Variants in FAM184A observed in about 807,000 individuals in gnomAD.
FAM184A encodes the protein protein FAM184A.
FAM184A carries 99 observed loss-of-function variants against 143.8 expected under a neutral mutation model. The ratio of observed to expected loss-of-function variants is 0.69; its 90% CI spans 0.58 to 0.81. The LOEUF is 0.81. Ranked by LOEUF, FAM184A falls within the 40% of genes least tolerant of loss-of-function variation. The pLI is 0.00. For synonymous variants in FAM184A, 427 were observed against 446.4 expected, an observed-to-expected ratio of 0.96 and a Z score of 0.55; for missense variants, 1,217 against 1,310.5, an observed-to-expected ratio of 0.93 and a Z score of 1.10.
intron 1 of FAM184A, among the ~76,000 whole-genome samples, chr6:119,101,083 G>A (rs199840364): frequency 3.4e-5 from 2 of 58,442 alleles, no homozygotes; most frequent in Non-Finnish European, 6.6e-5. Flanking sequence ...TTTTTTTTTT[G>A]TAGATGGAGT....
intron 1 of FAM184A, among the ~76,000 whole-genome samples, chr6:119,144,196 T>C (rs1472056380): frequency 8.1e-5 from 12 of 147,738 alleles, no homozygotes; most frequent in Admixed American, 6.1e-4. Flanking sequence ...TAGCCGGGTG[T>C]GGTGGCGGGC....
In FAM184A at chr6:119,006,495, C is replaced by T. The variant is rs1784923837; in HGVS notation, c.1767G>A (p.Leu589=). 2.5e-6 allele frequency: 4 copies of T among 1,613,886 alleles called. No individual in the cohort carries two copies. The highest frequency in any genetic ancestry group is 3.4e-6 in the Non-Finnish European group (4 of 1,179,956). ...TGGTCTCCTTTAGGCTGTCTTTAGT[C>T]AAGTCAAGCTCATTCTGAAGCCTTT... is the stretch of plus-strand genomic sequence containing the variant. ...SQERLQNELD[L]TKDSLKETKD... The change falls in exon 7 of 18, where the codon TTG becomes TTA. Residue 589 remains leucine (L), a synonymous_variant. Coordinates refer to ENST00000338891, the MANE Select transcript of FAM184A (RefSeq NM_024581.6).
At chr6:118,975,798 A>G in intron 12 of FAM184A, 119 bp downstream of exon 12, 2 of 977,010 alleles carry the variant, frequency 2.0e-6, no homozygotes, top group East Asian at 5.4e-5. Flanking sequence ...GCTCTTCAAT[A>G]TAAATAGAAT....
intron 1 of FAM184A, among the ~76,000 whole-genome samples, chr6:119,101,845 C>A (rs1972391): frequency 6.6e-6 from 1 of 151,798 alleles, no homozygotes; most frequent in Admixed American, 6.6e-5. Flanking sequence ...CACCCGAGGT[C>A]AGGAGTTCAA....
intron 14 of FAM184A, among the ~76,000 whole-genome samples, chr6:118,971,105 G>C (rs548593408): frequency 2.0e-5 from 3 of 152,100 alleles, no homozygotes; most frequent in African/African-American, 7.2e-5. Context: ...TTAAATAAAG[G>C]AAATATAGCA....
At position 119,002,895 on chromosome 6, in the gene FAM184A, T is replaced by C; in HGVS notation, c.2088+4A>G. On this transcript the variant is annotated splice_donor_region_variant and intron_variant, in intron 9 of 17. Transcript: ENST00000338891. ...AACTTCATCATGTACACATTATTAA[T>C]TACCTGGTTTAAGAGATCTTCTACT... The C allele has an allele frequency of 1.2e-6, 2 of 1,605,584 alleles. No individual in the cohort carries two copies. The highest frequency in any genetic ancestry group is 1.7e-6 in the Non-Finnish European group (2 of 1,177,366).
chr6:119,016,467 C>T (rs58225957), intron 5 of FAM184A, among the ~76,000 whole-genome samples: 2,721 of 152,186 alleles, frequency 0.018, 72 homozygotes, highest in African/African-American at 0.062. Context: ...CAACTCCAGA[C>T]GCGCTACCTT....
At chr6:119,074,531 G>T (rs1787802856) in intron 1 of FAM184A, among the ~76,000 whole-genome samples, 1 of 152,008 alleles carries the variant, frequency 6.6e-6, no homozygotes, top group African/African-American at 2.4e-5. Context: ...GTTAACCCAT[G>T]AAAGAGGATG....
At chr6:118,970,009 T>TATATATATATATATATATATATA (rs1491454245) in intron 14 of FAM184A, among the ~76,000 whole-genome samples, 2 of 23,274 alleles carry the variant, frequency 8.6e-5, no homozygotes, top group Non-Finnish European at 8.2e-5. Flanking sequence ...TATATATATA[T>TATATATATATATATATATATATA]TTTTTTTTTT....
intron 7 of FAM184A, 96 bp downstream of exon 7, chr6:119,006,351 T>C: frequency 8.7e-7 from 1 of 1,148,844 alleles, no homozygotes; most frequent in Non-Finnish European, 1.3e-6. Context: ...ATATACTAAT[T>C]ATATACAATG....
At chr6:119,137,444 C>T (rs149177232) in intron 1 of FAM184A, among the ~76,000 whole-genome samples, 20 of 152,238 alleles carry the variant, frequency 1.3e-4, no homozygotes, top group Non-Finnish European at 2.1e-4. Flanking sequence ...TCCTAAAAGC[C>T]CTATCTGCAA....
chr6:118,986,064 C>T (rs1483371923), intron 9 of FAM184A, among the ~76,000 whole-genome samples: 2 of 152,070 alleles, frequency 1.3e-5, no homozygotes, highest in African/African-American at 4.8e-5. Flanking sequence ...GAGGCCGAAG[C>T]GGGCGGATCA....
At chr6:118,965,397 T>G (rs1166874032) in intron 15 of FAM184A, among the ~76,000 whole-genome samples, 5 of 152,134 alleles carry the variant, frequency 3.3e-5, no homozygotes, top group Admixed American at 1.3e-4. Flanking sequence ...TAATATGAGA[T>G]ATTAATCTAT....
intron 1 of FAM184A, among the ~76,000 whole-genome samples, chr6:119,073,349 ACT>A (rs1171098652): frequency 6.6e-6 from 1 of 152,228 alleles, no homozygotes; most frequent in Non-Finnish European, 1.5e-5. Flanking sequence ...TGATAAACAG[ACT>A]CTGTATCAAA....
At chr6:119,129,834 T>C (rs190706615) in intron 1 of FAM184A, among the ~76,000 whole-genome samples, 1 of 152,304 alleles carries the variant, frequency 6.6e-6, no homozygotes, top group Admixed American at 6.5e-5. Context: ...TAGAAATATG[T>C]AGATTTCCAG....
intron 1 of FAM184A, among the ~76,000 whole-genome samples, chr6:119,090,058 A>G (rs17080825): frequency 0.033 from 5,015 of 152,288 alleles, 107 homozygotes; most frequent in African/African-American, 0.061. Flanking sequence ...TATGAATATC[A>G]CAATCAACCA....
At chr6:118,971,561 A>G (rs1783697859) in intron 14 of FAM184A, among the ~76,000 whole-genome samples, 1 of 152,236 alleles carries the variant, frequency 6.6e-6, no homozygotes, top group African/African-American at 2.4e-5. Flanking sequence ...AAAAAAATCA[A>G]ACAGCCCATT....
At chr6:118,984,453 C>T (rs911323909) in intron 9 of FAM184A, among the ~76,000 whole-genome samples, 1 of 151,898 alleles carries the variant, frequency 6.6e-6, no homozygotes, top group African/African-American at 2.4e-5. Flanking sequence ...GCTGGGATTA[C>T]AGGCATGAGC....
chr6:119,120,221 A>G (rs1185769274), intron 1 of FAM184A, among the ~76,000 whole-genome samples: 1 of 152,168 alleles, frequency 6.6e-6, no homozygotes, highest in African/African-American at 2.4e-5. Context: ...TACTTTCTCT[A>G]CGGATTTGCC....
Sources: allele counts gnomAD v4.1 joint callset (sites outside exome capture counted in the v4.1 genomes callset), GRCh38; gene constraint gnomAD v4.1.1; transcripts MANE v1.5; gene names NCBI Gene and HGNC (gene_info 2026-07-23, HGNC 2026-07-21).